The following MACROD2 variants were observed in gnomAD, a reference collection of about 807,000 sequenced individuals.
The protein encoded by MACROD2 is mono-ADP ribosylhydrolase 2, also known as ADP-ribose glycohydrolase MACROD2.
MACROD2 carries 36 observed loss-of-function variants against 70.4 expected under a neutral mutation model. That is an observed-to-expected ratio of 0.51 (90% CI 0.39 to 0.68). The LOEUF is 0.68. Among genes scored for constraint, MACROD2 ranks in the 30% least tolerant of loss-of-function variants. The probability of loss-of-function intolerance (pLI) is 0.00; values close to 1 mark genes in which losing one functional copy is unlikely to be tolerated. For missense variants in MACROD2, 496 were observed against 538.4 expected (o/e 0.92, Z 0.78); for synonymous variants, 172 against 178.8 (o/e 0.96, Z 0.30).
rs182863631 is a variant in MACROD2, at chr20:14,048,526, T to C, written c.164-37095T>C. The stretch of plus-strand genomic sequence containing the variant: ...ACATAAAAACCCAAAAAACTATCTA[T>C]GGGACTATTGGGTCAGTTTCAGTAT... On this transcript the variant is annotated intron_variant, in intron 2 of 17. Transcript: ENST00000684519. Among the ~76,000 whole-genome samples, 141 of 152,314 alleles carry C rather than the reference T, an allele frequency of 9.3e-4. 6 individuals are homozygous for C. The East Asian group carries it at 0.026, about 28-fold the overall frequency.
intron 8 of MACROD2, among the ~76,000 whole-genome samples, chr20:15,649,445 G>A (rs1291852367): frequency 6.6e-6 from 1 of 152,018 alleles, no homozygotes; most frequent in Non-Finnish European, 1.5e-5. Context: ...TTCCAGAGTC[G>A]TGAATTATGA....
intron 3 of MACROD2, among the ~76,000 whole-genome samples, chr20:14,450,208 G>C (rs115606811): frequency 6.6e-6 from 1 of 151,916 alleles, no homozygotes; most frequent in Non-Finnish European, 1.5e-5. Context: ...AAAATAATAC[G>C]TCATCTAAAT....
chr20:15,427,546 A>AAG (rs796404593), intron 6 of MACROD2, among the ~76,000 whole-genome samples: 10 of 151,912 alleles, frequency 6.6e-5, no homozygotes, highest in Admixed American at 6.6e-4. Context: ...ATACCTGGGG[A>AAG]AGAGAGAGAG....
intron 8 of MACROD2, among the ~76,000 whole-genome samples, chr20:15,560,762 C>CAAAAAAAAAAAAAAAAAAAAAAAATAAAA (rs2048231801): frequency 4.5e-5 from 1 of 22,092 alleles, no homozygotes; most frequent in Non-Finnish European, 9.6e-5. Flanking sequence ...AACAAAGTCT[C>CAAAAAAAAAAAAAAAAAAAAAAAATAAAA]AAAAAAAAAA....
At chr20:15,071,497 A>G (rs1461325118) in intron 5 of MACROD2, among the ~76,000 whole-genome samples, 2 of 152,286 alleles carry the variant, frequency 1.3e-5, no homozygotes, top group East Asian at 3.9e-4. Context: ...GAGAGGAGAA[A>G]ATTTTGTAAT....
intron 2 of MACROD2, among the ~76,000 whole-genome samples, chr20:14,022,184 TGTAA>T (rs1294110746): frequency 2.0e-5 from 3 of 152,202 alleles, no homozygotes; most frequent in African/African-American, 7.2e-5. Context: ...TTGAAGCAGC[TGTAA>T]GATACACATT....
At position 14,789,460 on chromosome 20, in the gene MACROD2, A is replaced by ATTCTT. The variant is rs1555830595; in HGVS notation, c.418+104503_418+104504insCTTTT. Among the ~76,000 whole-genome samples, 106 of 48,360 alleles carry ATTCTT rather than the reference A, an allele frequency of 2.2e-3. 6 individuals carry two copies. Among genetic ancestry groups the ATTCTT allele is most frequent in the African/African-American group, 5.3e-3 (62 of 11,674 alleles). 31.7% of individuals were successfully genotyped at this position (48,360 alleles called of 152,430 possible). A position where few individuals can be genotyped will look rare whatever the true frequency, so the allele number is the denominator to read the frequency against. On this transcript the variant is annotated intron_variant, in intron 5 of 17. Transcript: ENST00000684519. ...CTTGTGGATTAATCAGGTAGTGCAA[A>ATTCTT]TTTTTTTTTTTTTTTTTTTTTTTTT...
chr20:15,578,926 A>G (rs2048486700), intron 8 of MACROD2, among the ~76,000 whole-genome samples: 2 of 152,232 alleles, frequency 1.3e-5, no homozygotes, highest in Admixed American at 1.3e-4. Context: ...AGATAGATAT[A>G]GCGATATGGG....
At chr20:15,480,500 A>G (rs931122171) in intron 7 of MACROD2, among the ~76,000 whole-genome samples, 1 of 152,112 alleles carries the variant, frequency 6.6e-6, no homozygotes, top group African/African-American at 2.4e-5. Flanking sequence ...TTGTTTTATA[A>G]TAGCACAATT....
chr20:15,470,612 T>G (rs1377852486), intron 7 of MACROD2, among the ~76,000 whole-genome samples: 1 of 152,146 alleles, frequency 6.6e-6, no homozygotes, highest in Non-Finnish European at 1.5e-5. Context: ...TCTTGGCTTG[T>G]GTCCACAACC....
At chr20:14,417,021 C>T (rs6079428) in intron 3 of MACROD2, among the ~76,000 whole-genome samples, 41,005 of 151,898 alleles carry the variant, frequency 0.27, 5,653 homozygotes, top group Admixed American at 0.31. Flanking sequence ...CACACACACA[C>T]GCTATCTATC....
chr20:14,052,444 G>GT (rs1190349495), intron 2 of MACROD2, among the ~76,000 whole-genome samples: 13 of 152,126 alleles, frequency 8.5e-5, no homozygotes. Context: ...AATCTTATTT[G>GT]TAACTAACTT....
At chr20:15,750,935 T>G (rs561116052) in intron 8 of MACROD2, among the ~76,000 whole-genome samples, 2 of 151,988 alleles carry the variant, frequency 1.3e-5, no homozygotes, top group South Asian at 2.1e-4. Context: ...TTGTTTGTTT[T>G]TTGTTTGTTT....
chr20:15,797,617 G>A (rs556926777), intron 8 of MACROD2, among the ~76,000 whole-genome samples: 4 of 152,270 alleles, frequency 2.6e-5, no homozygotes, highest in South Asian at 4.2e-4. Flanking sequence ...ATGTAGCCAC[G>A]CATAGCTACA....
intron 5 of MACROD2, among the ~76,000 whole-genome samples, chr20:14,973,771 T>A (rs1450435546): frequency 6.6e-6 from 1 of 152,162 alleles, no homozygotes; most frequent in Non-Finnish European, 1.5e-5. Flanking sequence ...GGCTAGGTAC[T>A]CTTGGAGTAA....
intron 6 of MACROD2, among the ~76,000 whole-genome samples, chr20:15,233,339 G>T (rs1250931974): frequency 6.6e-6 from 1 of 152,098 alleles, no homozygotes; most frequent in Non-Finnish European, 1.5e-5. Flanking sequence ...GAGCACCTTA[G>T]CCTGGGGGAG....
intron 4 of MACROD2, among the ~76,000 whole-genome samples, chr20:14,530,866 A>T (rs2085294880): frequency 6.6e-6 from 1 of 152,254 alleles, no homozygotes; most frequent in Non-Finnish European, 1.5e-5. Flanking sequence ...ACTATGCTTC[A>T]TTTAACTCCT....
At chr20:14,762,194 C>T (rs545730465) in intron 5 of MACROD2, among the ~76,000 whole-genome samples, 3 of 152,170 alleles carry the variant, frequency 2.0e-5, no homozygotes, top group East Asian at 3.9e-4. Flanking sequence ...CTTTTATGCC[C>T]GCCAGGGTCT....
chr20:15,212,157 T>C (rs1440721765), intron 5 of MACROD2, among the ~76,000 whole-genome samples: 2 of 152,248 alleles, frequency 1.3e-5, no homozygotes, highest in Non-Finnish European at 2.9e-5. Flanking sequence ...GTATCTTCTT[T>C]ACAACCATTT....
Sources: gnomAD v4.1 joint callset for allele counts (sites outside exome capture counted in the v4.1 genomes callset) on GRCh38, gnomAD v4.1.1 for gene constraint, MANE v1.5 for transcripts, NCBI Gene and HGNC (gene_info 2026-07-23, HGNC 2026-07-21) for gene names.